TRMT1L: variants seen among roughly 807,000 people sequenced by gnomAD.
TRMT1L encodes the protein tRNA (guanine(27)-N(2))-dimethyltransferase.
TRMT1L carries 28 observed loss-of-function variants against 81.6 expected under a neutral mutation model. The ratio of observed to expected loss-of-function variants is 0.34; its 90% CI spans 0.25 to 0.47. The LOEUF is 0.47. Ranked by LOEUF, TRMT1L falls within the 20% of genes least tolerant of loss-of-function variation. The probability of loss-of-function intolerance (pLI) is 1.00; values close to 1 mark genes in which losing one functional copy is unlikely to be tolerated. For synonymous variants in TRMT1L, 301 were observed against 303.2 expected, an observed-to-expected ratio of 0.99 and a Z score of 0.07; for missense variants, 739 against 877.1, an observed-to-expected ratio of 0.84 and a Z score of 1.99.
chr1:185,143,493 TATTTC>T (rs1422679302), intron 6 of TRMT1L, 57 bp from the exon 7 acceptor site: 3 of 1,491,804 alleles, frequency 2.0e-6, no homozygotes, highest in African/African-American at 1.4e-5. Context: ...TCATAGATTT[TATTTC>T]ATTTAAGAAT....
rs1450312120 is a variant in TRMT1L at position 185,120,120 on chromosome 1, A to C, written c.2101T>G (p.Ser701Ala). 1 of 1,613,944 alleles carries C rather than the reference A, an allele frequency of 6.2e-7. No individual in the cohort carries two copies. Among genetic ancestry groups the C allele is most frequent in the Non-Finnish European group, 8.5e-7 (1 of 1,179,946 alleles). ...GATGCTGACTGGACATGGCTTTCTG[A>C]CTGTCCTCCAGTGTAGGTGGGGGTG... is the stretch of plus-strand genomic sequence containing the variant. ...YSTPTYTGGQ[S>A]ESHVQSASED... is the part of the protein sequence containing the mutation. Residue 701 changes from serine (S) to alanine (A), a missense_variant, in exon 15 of 15, where the codon TCA becomes GCA. By Grantham distance (99) the Ser-to-Ala change is moderately conservative. This residue lies in a region of TRMT1L where 196 missense variants were observed against 232.6 expected (regional missense o/e 0.84). Coordinates refer to ENST00000367506, the MANE Select transcript of TRMT1L (RefSeq NM_030934.5).
intron 13 of TRMT1L, among the ~76,000 whole-genome samples, chr1:185,123,317 A>C (rs1315911029): frequency 1.3e-5 from 2 of 152,200 alleles, no homozygotes; most frequent in Non-Finnish European, 2.9e-5. Flanking sequence ...TTTTTTAAAA[A>C]GCAAAACAAA....
Position 185,119,850 on chromosome 1 carries a change from CA to C in TRMT1L, c.*168del. ...TTAAAACAAAAAAAAACTTGGAAAGCAAAGCTCCCAAACCAGCTAAGTTAGA... is the reference window on the plus strand; with the variant it reads ...TTAAAACAAAAAAAAACTTGGAAAGCAAGCTCCCAAACCAGCTAAGTTAGA... On this transcript the variant is annotated 3_prime_UTR_variant, in exon 15 of 15. Coordinates refer to ENST00000367506, the MANE Select transcript of TRMT1L (RefSeq NM_030934.5). 1 of 809,386 alleles carries C rather than the reference CA, an allele frequency of 1.2e-6. No homozygotes were observed. The allele number at this position is 809,386 out of a possible 1,614,324, so 50.1% of individuals were successfully genotyped here. A position where few individuals can be genotyped will look rare whatever the true frequency, so the allele number is the denominator to read the frequency against.
At chr1:185,155,802 A>G (rs1571362679) in intron 1 of TRMT1L, among the ~76,000 whole-genome samples, 2 of 152,234 alleles carry the variant, frequency 1.3e-5, no homozygotes, top group Admixed American at 1.3e-4. Flanking sequence ...CACATTCAGA[A>G]GCACAATAAT....
intron 3 of TRMT1L, among the ~76,000 whole-genome samples, chr1:185,149,529 C>T (rs762792280): frequency 3.3e-5 from 5 of 151,808 alleles, no homozygotes; most frequent in Non-Finnish European, 7.4e-5. Flanking sequence ...GTCTTGAACT[C>T]ATGGCCTCAA....
rs763485397 is a variant in TRMT1L, at chr1:185,143,938, A to C, written c.747T>G (p.Asp249Glu). 3 of 1,608,824 alleles carry C rather than the reference A, an allele frequency of 1.9e-6. No individual in the cohort carries two copies. In the South Asian group the frequency reaches 3.3e-5, roughly 18 times the overall value. ...CPNYSIPQKT[D>E]SYFNPKMKLN... ...GTTTCATTTTGGGGTTAAAATAGGA[A>C]TCTGTTTTCTGAGGTATAGAATAGT... Residue 249 changes from aspartate to glutamate, a missense_variant, in exon 6 of 15, where the codon GAT (aspartate) becomes GAG (glutamate). This residue lies in a region of TRMT1L where 331 missense variants were observed against 462.2 expected (regional missense o/e 0.72). Coordinates refer to ENST00000367506, the MANE Select transcript of TRMT1L (RefSeq NM_030934.5).
Position 185,144,164 on chromosome 1 carries a change from T to C in TRMT1L, c.656-135A>G, listed in dbSNP as rs1352884636. The C allele has an allele frequency of 6.0e-6, 6 of 1,007,306 alleles. No homozygotes were observed. In the African/African-American group the frequency reaches 6.6e-5, roughly 11 times the overall value. The allele number at this position is 1,007,306 out of a possible 1,614,324, so 62.4% of individuals were successfully genotyped here. A position where few individuals can be genotyped will look rare whatever the true frequency, so the allele number is the denominator to read the frequency against. ...TTTTGAAAAATAACTTTATATTATT[T>C]TGTGTTAATGCAAACGGTTTGGCAG... On this transcript the variant is annotated intron_variant, in intron 5 of 14. Coordinates refer to ENST00000367506, the MANE Select transcript of TRMT1L (RefSeq NM_030934.5).
intron 6 of TRMT1L, 146 bp from the exon 7 acceptor site, chr1:185,143,582 C>G: frequency 1.6e-6 from 1 of 632,180 alleles, no homozygotes; most frequent in Non-Finnish European, 2.5e-6. Context: ...GAATTTAATA[C>G]TATAAGAACT....
rs1219307923 is a variant in TRMT1L at position 185,119,704 on chromosome 1, TA to T, written c.*314del. 1 of 212,830 alleles carries T rather than the reference TA, an allele frequency of 4.7e-6. No individual in the cohort carries two copies. The highest frequency in any genetic ancestry group is 9.4e-6 in the Non-Finnish European group (1 of 106,694). The allele number at this position is 212,830 out of a possible 1,614,324, so 13.2% of individuals were successfully genotyped here. ...TAAGAATTGTAAAAGATGGCTTTCA[TA>T]ACATACATAAAATTCCAAACACTTT... On this transcript the variant is annotated 3_prime_UTR_variant, in exon 15 of 15. Coordinates refer to ENST00000367506, the MANE Select transcript of TRMT1L (RefSeq NM_030934.5).
At chr1:185,122,101 C>T (rs900479456) in intron 13 of TRMT1L, among the ~76,000 whole-genome samples, 3 of 152,200 alleles carry the variant, frequency 2.0e-5, no homozygotes, top group Admixed American at 6.5e-5. Context: ...ATCCATGTTG[C>T]TGCAAAGAGC....
intron 1 of TRMT1L, among the ~76,000 whole-genome samples, chr1:185,152,723 A>G (rs977083416): frequency 1.3e-5 from 2 of 152,242 alleles, no homozygotes; most frequent in Non-Finnish European, 1.5e-5. Flanking sequence ...AAAATCAAAG[A>G]TGATTCCAAG....
At chr1:185,154,836 T>G (rs1557994567) in intron 1 of TRMT1L, among the ~76,000 whole-genome samples, 1 of 152,272 alleles carries the variant, frequency 6.6e-6, no homozygotes, top group Non-Finnish European at 1.5e-5. Context: ...AATCTGCTTT[T>G]TGTAACACAC....
chr1:185,120,822 C>T (rs181412106), intron 13 of TRMT1L: 1 of 175,426 alleles, frequency 5.7e-6, no homozygotes, highest in Non-Finnish European at 1.2e-5. Flanking sequence ...CTACACTACA[C>T]TACTCAGAGT....
intron 12 of TRMT1L, chr1:185,124,696 CA>C (rs1424121035): frequency 2.2e-3 from 457 of 207,970 alleles, no homozygotes; most frequent in Middle Eastern, 3.5e-3. Flanking sequence ...ACCCAGTATC[CA>C]AAAAAAAAAC....
intron 11 of TRMT1L, among the ~76,000 whole-genome samples, chr1:185,125,938 T>C (rs764819112): frequency 1.3e-5 from 2 of 152,146 alleles, no homozygotes; most frequent in East Asian, 1.9e-4. Flanking sequence ...GGAGCACATA[T>C]ATGAGAATTA....
rs112100541 is a variant in TRMT1L at position 185,147,201 on chromosome 1, G to A, written c.506C>T (p.Pro169Leu). The A allele has an allele frequency of 4.1e-5, 66 of 1,609,096 alleles. No individual in the cohort carries two copies. The highest frequency in any genetic ancestry group is 8.4e-5 in the Admixed American group (5 of 59,804). The change falls in exon 4 of 15, where the codon CCA (proline) becomes CTA (leucine). Residue 169 changes from proline (P) to leucine (L), a missense_variant. Around this residue, in one of 4 missense-constraint regions of TRMT1L, gnomAD observed 331 missense variants for 462.2 expected, o/e 0.72. Coordinates refer to ENST00000367506, the MANE Select transcript of TRMT1L (RefSeq NM_030934.5). Reference sequence around the variant, plus strand: ...GATCACCTGTTCTCCAATAATGTTTGGTTTCACTGGTCGACAAGGTAAGTG... The same window carrying A: ...GATCACCTGTTCTCCAATAATGTTTAGTTTCACTGGTCGACAAGGTAAGTG... ...ICHLPCRPVK[P>L]NIIGEQITSK...
intron 1 of TRMT1L, among the ~76,000 whole-genome samples, chr1:185,152,145 T>C (rs1653374834): frequency 6.6e-6 from 1 of 152,234 alleles, no homozygotes; most frequent in African/African-American, 2.4e-5. Flanking sequence ...AGTTTTAAAA[T>C]TTTATCTAAT....
Position 185,151,604 on chromosome 1 carries a change from C to T in TRMT1L, c.346+221G>A, listed in dbSNP as rs116379363. Reference sequence around the variant, plus strand: ...GCCGAATAGACAGCCCCTAGACATCCGTGAAATTATAATTTTCTTGAGGAG... The same window carrying T: ...GCCGAATAGACAGCCCCTAGACATCTGTGAAATTATAATTTTCTTGAGGAG... On this transcript the variant is annotated intron_variant, in intron 2 of 14. Coordinates refer to ENST00000367506, the MANE Select transcript of TRMT1L (RefSeq NM_030934.5). Among the ~76,000 whole-genome samples, 731 of 152,184 alleles carry T rather than the reference C, an allele frequency of 4.8e-3. 4 individuals are homozygous for T. The highest frequency in any genetic ancestry group is 9.5e-3 in the African/African-American group (393 of 41,518).
intron 1 of TRMT1L, among the ~76,000 whole-genome samples, chr1:185,154,215 G>A (rs1049106212): frequency 7.9e-5 from 12 of 152,006 alleles, no homozygotes; most frequent in African/African-American, 2.7e-4. Context: ...TTTAAAGATG[G>A]GTCTTGCTCT....
Sources: allele counts gnomAD v4.1 joint callset (sites outside exome capture counted in the v4.1 genomes callset), GRCh38; gene constraint gnomAD v4.1.1; regional missense constraint gnomAD v4.1.1; transcripts MANE v1.5; gene names NCBI Gene and HGNC (gene_info 2026-07-23, HGNC 2026-07-21).